The following THBS4 variants were observed in gnomAD, a reference collection of about 807,000 sequenced individuals.
THBS4 encodes the protein thrombospondin 4, also known as thrombospondin-4.
In THBS4, 90 loss-of-function variants were observed where a neutral mutation model predicts 115.7. The observed-to-expected ratio is 0.78, with a 90% CI of 0.66 to 0.93. The LOEUF (loss-of-function observed/expected upper bound fraction) is 0.93, where lower values mean the gene tolerates loss of function less well. Ranked by LOEUF, THBS4 falls within the 40% of genes least tolerant of loss-of-function variation. The probability of loss-of-function intolerance (pLI) is 0.00; values close to 1 mark genes in which losing one functional copy is unlikely to be tolerated. For synonymous variants in THBS4, 460 were observed against 479.3 expected, an observed-to-expected ratio of 0.96 and a Z score of 0.53; for missense variants, 1,087 against 1,232.7, an observed-to-expected ratio of 0.88 and a Z score of 1.77.
chr5:80,006,536 G>C (rs940549477), intron 2 of THBS4, among the ~76,000 whole-genome samples: 1 of 152,162 alleles, frequency 6.6e-6, no homozygotes, highest in African/African-American at 2.4e-5. Context: ...CATCAGCAGC[G>C]TGAAAATGGA....
chr5:80,017,400 T>C (rs1457771457), intron 2 of THBS4, among the ~76,000 whole-genome samples: 3 of 152,190 alleles, frequency 2.0e-5, no homozygotes, highest in Non-Finnish European at 4.4e-5. Context: ...CTCAATTTCT[T>C]CCATCTACTA....
chr5:80,027,145 G>A (rs751395248), intron 2 of THBS4, among the ~76,000 whole-genome samples: 17 of 152,158 alleles, frequency 1.1e-4, no homozygotes, highest in Non-Finnish European at 2.2e-4. Context: ...ATAATAGTCT[G>A]AAGAAAACAG....
At chr5:80,077,809 T>C (rs561160693) in intron 16 of THBS4, among the ~76,000 whole-genome samples, 1 of 152,272 alleles carries the variant, frequency 6.6e-6, no homozygotes, top group African/African-American at 2.4e-5. Flanking sequence ...ACTGCTCAAA[T>C]TGATCTTTCA....
chr5:80,076,570 T>C (rs1206313141), intron 15 of THBS4, among the ~76,000 whole-genome samples: 2 of 152,172 alleles, frequency 1.3e-5, no homozygotes, highest in Non-Finnish European at 2.9e-5. Context: ...CATCTAGCAG[T>C]TCCCAGGGAC....
intron 2 of THBS4, 102 bp from the exon 3 acceptor site, chr5:80,055,683 A>G: frequency 6.8e-7 from 1 of 1,472,054 alleles, no homozygotes; most frequent in Non-Finnish European, 9.2e-7. Flanking sequence ...TCTTGTTACC[A>G]GGAGGCTGTT....
intron 2 of THBS4, among the ~76,000 whole-genome samples, chr5:80,020,847 A>C (rs1262820031): frequency 6.6e-6 from 1 of 152,246 alleles, no homozygotes; most frequent in East Asian, 1.9e-4. Flanking sequence ...GCTTTATAAA[A>C]TGCAAAACCA....
intron 2 of THBS4, among the ~76,000 whole-genome samples, chr5:80,050,938 C>T (rs1833234197): frequency 6.6e-6 from 1 of 152,148 alleles, no homozygotes; most frequent in Non-Finnish European, 1.5e-5. Flanking sequence ...GGGTGGTGGC[C>T]AGGCAGAGGT....
Position 80,035,956 on chromosome 5 carries a change from A to G in THBS4, c.88+331A>G. 1 of 1,047,784 alleles carries G rather than the reference A, an allele frequency of 9.5e-7. No homozygotes were observed. Among genetic ancestry groups the G allele is most frequent in the Non-Finnish European group, 1.2e-6 (1 of 869,524 alleles). The allele number at this position is 1,047,784 out of a possible 1,614,324, so 64.9% of individuals were successfully genotyped here. Reference sequence around the variant, plus strand: ...CATGTTAGGCTCTGGTGTAGGGTGAATTCCGGGTCCTGCACCCTGTGCCGG... The same window carrying G: ...CATGTTAGGCTCTGGTGTAGGGTGAGTTCCGGGTCCTGCACCCTGTGCCGG... On this transcript the variant is annotated intron_variant, in intron 1 of 21. Transcript: ENST00000350881. The surrounding 1 kb of genome is among the most constrained non-coding windows in gnomAD (Gnocchi z 4.6).
intron 15 of THBS4, 56 bp downstream of exon 15, chr5:80,073,383 T>G: frequency 6.4e-7 from 1 of 1,558,798 alleles, no homozygotes; most frequent in Non-Finnish European, 8.8e-7. Context: ...GAGAGGGTTT[T>G]TGGTTTGTTT....
chr5:80,005,987 G>A (rs996860786), intron 2 of THBS4, among the ~76,000 whole-genome samples: 7 of 151,872 alleles, frequency 4.6e-5, no homozygotes, highest in Admixed American at 2.6e-4. Context: ...GGATGGTCTC[G>A]ATCTCTTGAC....
At chr5:80,027,188 G>A (rs1019398798) in intron 2 of THBS4, among the ~76,000 whole-genome samples, 1 of 152,162 alleles carries the variant, frequency 6.6e-6, no homozygotes, top group Non-Finnish European at 1.5e-5. Context: ...GGCAAACAAA[G>A]GGGTATGTCT....
chr5:80,061,647 G>A, intron 7 of THBS4, 48 bp from the exon 8 acceptor site: 1 of 1,532,212 alleles, frequency 6.5e-7, no homozygotes, highest in Non-Finnish European at 8.8e-7. Flanking sequence ...AAAAGTTTGA[G>A]AGTGTTTTCT....
At chr5:80,051,715 A>G (rs1399413418) in intron 2 of THBS4, among the ~76,000 whole-genome samples, 1 of 152,222 alleles carries the variant, frequency 6.6e-6, no homozygotes, top group Non-Finnish European at 1.5e-5. Flanking sequence ...AAAGCTTTAA[A>G]TACAATCATT....
chr5:80,065,479 T>G lies in THBS4; in HGVS notation c.1194+2T>G. The G allele has an allele frequency of 6.2e-7, 1 of 1,612,264 alleles. No homozygotes were observed. The highest frequency in any genetic ancestry group is 8.5e-7 in the Non-Finnish European group (1 of 1,179,030). ...AACTCGATCTGCGTTAATACTTTGG[T>G]AAGTATTTCTCACAGCTGTTGTTAT... On this transcript the variant is annotated splice_donor_variant, in intron 9 of 21. Coordinates refer to ENST00000350881, the MANE Select transcript of THBS4 (RefSeq NM_003248.6). LOFTEE classifies it high-confidence loss of function.
chr5:79,995,554 C>T lies in THBS4; in HGVS notation n.82-2778C>T, dbSNP rs1831774674. Among the ~76,000 whole-genome samples, 3 of 152,122 alleles carry T rather than the reference C, an allele frequency of 2.0e-5. No individual in the cohort carries two copies. In the South Asian group the frequency reaches 6.2e-4, roughly 32 times the overall value. On this transcript the variant is annotated intron_variant and non_coding_transcript_variant, in intron 1 of 3. Coordinates refer to the THBS4 transcript ENST00000510218. ...AGAGACGACATGGTGAATCTACACA[C>T]ATATGAGGACAAAATTGGCTATTAT...
chr5:80,047,392 T>G (rs1388161793), intron 2 of THBS4, among the ~76,000 whole-genome samples: 1 of 152,166 alleles, frequency 6.6e-6, no homozygotes, highest in Non-Finnish European at 1.5e-5. Flanking sequence ...TGTTTGGTTT[T>G]GTTTTTTGTT....
chr5:80,016,552 G>T (rs983424305), intron 2 of THBS4, among the ~76,000 whole-genome samples: 6 of 152,086 alleles, frequency 3.9e-5, no homozygotes, highest in African/African-American at 1.2e-4. Context: ...AGCAGGGCAG[G>T]TTCTTTACTG....
chr5:80,019,686 G>A (rs1832322561), intron 2 of THBS4: 1 of 189,556 alleles, frequency 5.3e-6, no homozygotes, highest in East Asian at 1.2e-4. Flanking sequence ...AAATGCAGTA[G>A]CTAGCCCTCT....
intron 2 of THBS4, among the ~76,000 whole-genome samples, chr5:80,028,637 T>A (rs1342436249): frequency 1.3e-5 from 2 of 152,078 alleles, no homozygotes; most frequent in Non-Finnish European, 2.9e-5. Flanking sequence ...TTTTGTATTT[T>A]TAATAGAGAT....
Sources: allele counts gnomAD v4.1 joint callset (sites outside exome capture counted in the v4.1 genomes callset), GRCh38; gene constraint gnomAD v4.1.1; non-coding constraint Gnocchi (gnomAD v3.1); transcripts MANE v1.5; gene names NCBI Gene and HGNC (gene_info 2026-07-23, HGNC 2026-07-21).